MACF1: variants seen among roughly 807,000 people sequenced by gnomAD.
The protein encoded by MACF1 is microtubule actin crosslinking factor 1.
MACF1 carries 193 observed loss-of-function variants against 854.8 expected under a neutral mutation model. The observed-to-expected ratio is 0.23, with a 90% CI of 0.20 to 0.25. The LOEUF is 0.25. MACF1 is among the 10% of genes least tolerant of loss of function. The probability of loss-of-function intolerance (pLI) is 1.00; values close to 1 mark genes in which losing one functional copy is unlikely to be tolerated. For synonymous variants in MACF1, 3,185 were observed against 3,226.7 expected (o/e 0.99, Z 0.44); for missense variants, 7,722 against 8,929.1 (o/e 0.86, Z 5.45).
intron 2 of MACF1, among the ~76,000 whole-genome samples, chr1:39,111,595 A>T (rs911850616): frequency 6.6e-5 from 10 of 151,984 alleles, no homozygotes; most frequent in Admixed American, 3.9e-4. Flanking sequence ...GTTAGCCAGG[A>T]TGGTCTCGAT....
chr1:39,464,923 AAAATT>A (rs1644632672), intron 94 of MACF1, 167 bp from the exon 95 acceptor site: 1 of 645,356 alleles, frequency 1.5e-6, no homozygotes, highest in Admixed American at 2.7e-5. Context: ...AAAAAAAAAA[AAAATT>A]AAAACCACAT....
chr1:39,228,006 T>C (rs961372099), intron 1 of MACF1, among the ~76,000 whole-genome samples: 1 of 152,132 alleles, frequency 6.6e-6, no homozygotes, highest in Non-Finnish European at 1.5e-5. Flanking sequence ...ATCAACCTGT[T>C]TTGAAGTTGT....
chr1:39,126,401 T>C (rs1006494020), intron 2 of MACF1, among the ~76,000 whole-genome samples: 8 of 152,252 alleles, frequency 5.3e-5, no homozygotes, highest in Non-Finnish European at 7.3e-5. Flanking sequence ...CATCTTAAGT[T>C]GATCATTTGT....
chr1:39,358,893 G>A lies in MACF1; in HGVS notation c.12120+20G>A, dbSNP rs1194159003. On this transcript the variant is annotated intron_variant, in intron 46 of 100. Coordinates refer to ENST00000564288, the MANE Select transcript of MACF1 (RefSeq NM_001394062.1). ...ACAAAGGTAAGTCAGGACACAGGCT[G>A]TGTTGTGGTGTCAAGACCTTGTATT... 6.3e-7 allele frequency: 1 copy of A among 1,589,878 alleles called. No homozygotes were observed. The highest frequency in any genetic ancestry group is 1.9e-5 in the Admixed American group (1 of 52,560).
At chr1:39,122,680 C>A (rs1023096383) in intron 2 of MACF1, among the ~76,000 whole-genome samples, 5 of 152,150 alleles carry the variant, frequency 3.3e-5, no homozygotes, top group Admixed American at 1.3e-4. Context: ...ATCATAATTA[C>A]CTGTGTTGCT....
At chr1:39,167,496 C>T (rs989022742) in intron 2 of MACF1, among the ~76,000 whole-genome samples, 1 of 151,704 alleles carries the variant, frequency 6.6e-6, no homozygotes, top group African/African-American at 2.4e-5. Context: ...CACCTGAAGT[C>T]AGGAGTTCAA....
At chr1:39,316,993 C>T (rs932899797) in intron 28 of MACF1, among the ~76,000 whole-genome samples, 2 of 152,230 alleles carry the variant, frequency 1.3e-5, no homozygotes, top group African/African-American at 4.8e-5. Context: ...AAGTTCTATG[C>T]ACATTTCTCT....
intron 2 of MACF1, among the ~76,000 whole-genome samples, chr1:39,247,726 A>G (rs926679672): frequency 1.3e-5 from 2 of 152,214 alleles, no homozygotes; most frequent in Non-Finnish European, 2.9e-5. Context: ...AAATGTTAAT[A>G]TTGCAGATTA....
intron 2 of MACF1, among the ~76,000 whole-genome samples, chr1:39,108,494 T>G (rs1571048984): frequency 6.8e-6 from 1 of 147,272 alleles, no homozygotes. Context: ...ACAAAGGAGG[T>G]GACATGAGAG....
At chr1:39,415,384 A>G (rs1001002543) in intron 58 of MACF1, among the ~76,000 whole-genome samples, 89 of 150,728 alleles carry the variant, frequency 5.9e-4, no homozygotes, top group Non-Finnish European at 1.2e-3. Context: ...CTGGAGTGCT[A>G]GAGTGCAGTG....
At chr1:39,111,147 A>G (rs567972387) in intron 2 of MACF1, among the ~76,000 whole-genome samples, 23 of 152,178 alleles carry the variant, frequency 1.5e-4, no homozygotes, top group Non-Finnish European at 3.1e-4. Flanking sequence ...TCTGGCTTCT[A>G]TTGGTGGCAT....
chr1:39,448,551 G>A (rs374469731), intron 83 of MACF1, 43 bp from the exon 84 acceptor site: 228 of 1,432,076 alleles, frequency 1.6e-4, no homozygotes, highest in Non-Finnish European at 1.9e-4. Context: ...TCAAGATGTC[G>A]TCTGACTTTT....
At chr1:39,282,986 G>A (rs925340832) in intron 7 of MACF1, 17 of 513,100 alleles carry the variant, frequency 3.3e-5, no homozygotes, top group Middle Eastern at 5.0e-4. Flanking sequence ...AACCTAAACT[G>A]TATGTTTAAG....
intron 84 of MACF1, 99 bp from the exon 85 acceptor site, chr1:39,450,953 A>G: frequency 7.4e-7 from 1 of 1,344,806 alleles, no homozygotes. Flanking sequence ...GTCACTCTCT[A>G]TATAGGGTTC....
intron 58 of MACF1, among the ~76,000 whole-genome samples, chr1:39,402,365 G>A (rs1642512133): frequency 6.6e-6 from 1 of 152,158 alleles, no homozygotes; most frequent in Admixed American, 6.5e-5. Context: ...CCTACCCTGA[G>A]CTTCCAGGCC....
chr1:39,135,908 G>A (rs1643155347), intron 2 of MACF1, among the ~76,000 whole-genome samples: 1 of 152,142 alleles, frequency 6.6e-6, no homozygotes, highest in African/African-American at 2.4e-5. Flanking sequence ...GTTTTGCAGA[G>A]GTCGAAGGCT....
At chr1:39,399,735 G>T (rs1243197258) in intron 58 of MACF1, among the ~76,000 whole-genome samples, 1 of 152,120 alleles carries the variant, frequency 6.6e-6, no homozygotes, top group African/African-American at 2.4e-5. Context: ...CATTTACAAT[G>T]TATAACTCAC....
At chr1:39,301,878 C>T (rs182041867) in intron 22 of MACF1, among the ~76,000 whole-genome samples, 2 of 152,258 alleles carry the variant, frequency 1.3e-5, no homozygotes, top group East Asian at 1.9e-4. Context: ...TGGGTCATAT[C>T]CTTTATTGCC....
chr1:39,192,561 C>T (rs935632593), intron 2 of MACF1, among the ~76,000 whole-genome samples: 5 of 152,308 alleles, frequency 3.3e-5, no homozygotes, highest in African/African-American at 1.2e-4. Context: ...TAGATTTTGA[C>T]ACAAGCTTGA....
Sources: gnomAD v4.1 joint callset for allele counts (sites outside exome capture counted in the v4.1 genomes callset) on GRCh38, gnomAD v4.1.1 for gene constraint, MANE v1.5 for transcripts, NCBI Gene and HGNC (gene_info 2026-07-23, HGNC 2026-07-21) for gene names.